The following EGFR variants were observed in gnomAD, a reference collection of about 807,000 sequenced individuals.
EGFR encodes the protein epidermal growth factor receptor.
Under a neutral mutation model 143.0 loss-of-function variants are expected in EGFR, and 58 were observed. The observed-to-expected ratio is 0.41, with a 90% CI of 0.33 to 0.50. The LOEUF (loss-of-function observed/expected upper bound fraction) is 0.50, where lower values mean the gene tolerates loss of function less well. EGFR is among the 20% of genes least tolerant of loss of function. The pLI is 0.39. For missense variants in EGFR, 1,307 were observed against 1,579.0 expected (o/e 0.83, Z 2.92); for synonymous variants, 613 against 594.4 (o/e 1.03, Z -0.45).
At chr7:55,184,713 C>T (rs551811986) in intron 20 of EGFR, among the ~76,000 whole-genome samples, 4 of 152,284 alleles carry the variant, frequency 2.6e-5, no homozygotes, top group African/African-American at 9.6e-5. Flanking sequence ...ACATTACGGG[C>T]AGTTAACGCT....
intron 15 of EGFR, chr7:55,168,702 G>A (rs1345510736): frequency 2.1e-6 from 2 of 975,588 alleles, no homozygotes; most frequent in African/African-American, 3.3e-5. Context: ...AGCCTTTTTA[G>A]ATGAGTATAT....
chr7:55,096,623 G>A (rs1004407963), intron 1 of EGFR, among the ~76,000 whole-genome samples: 1 of 152,166 alleles, frequency 6.6e-6, no homozygotes, highest in Admixed American at 6.5e-5. Flanking sequence ...TAAAGTGACT[G>A]ACCAGGAGTT....
intron 1 of EGFR, among the ~76,000 whole-genome samples, chr7:55,073,008 C>T (rs1225374707): frequency 6.6e-6 from 1 of 152,210 alleles, no homozygotes; most frequent in Admixed American, 6.5e-5. Flanking sequence ...AAGGAATTCT[C>T]AGGCTTTGCT....
At chr7:55,101,240 A>C (rs560074403) in intron 1 of EGFR, among the ~76,000 whole-genome samples, 2 of 152,274 alleles carry the variant, frequency 1.3e-5, no homozygotes, top group Admixed American at 1.3e-4. Context: ...TTTGGGACCT[A>C]AGTCCTCGTC....
intron 1 of EGFR, among the ~76,000 whole-genome samples, chr7:55,111,385 A>C (rs1448971506): frequency 6.7e-6 from 1 of 149,872 alleles, no homozygotes; most frequent in African/African-American, 2.5e-5. Context: ...TTTTTTTTCT[A>C]AACCTCACAC....
At chr7:55,049,846 C>T (rs1418424039) in intron 1 of EGFR, among the ~76,000 whole-genome samples, 2 of 152,210 alleles carry the variant, frequency 1.3e-5, no homozygotes, top group African/African-American at 4.8e-5. Context: ...CTGATCTAGA[C>T]TCTAGCCTGA....
At chr7:55,052,828 A>G (rs902243286) in intron 1 of EGFR, among the ~76,000 whole-genome samples, 1 of 152,184 alleles carries the variant, frequency 6.6e-6, no homozygotes, top group African/African-American at 2.4e-5. Flanking sequence ...GTGACTGAGA[A>G]AGGTGAAGGA....
In EGFR at chr7:55,173,120, G is replaced by T. The variant is rs1305428034; in HGVS notation, c.2057G>T (p.Arg686Met). The T allele has an allele frequency of 6.2e-7, 1 of 1,610,102 alleles. No individual in the cohort carries two copies. Among genetic ancestry groups the T allele is most frequent in the Non-Finnish European group, 8.5e-7 (1 of 1,179,948 alleles). The change falls in exon 17 of 28, where the codon AGG becomes ATG. Residue 686 changes from arginine (R) to methionine (M), a missense_variant. Arg to Met is a moderately conservative substitution (Grantham distance 91, BLOSUM62 -1). Coordinates refer to ENST00000275493, the MANE Select transcript of EGFR (RefSeq NM_005228.5). ...ACGCTGCGGAGGCTGCTGCAGGAGA[G>T]GGAGGTGAGTGCCAGTCCTGGGTGG... ...KRTLRRLLQE[R>M]ELVEPLTPSG...
chr7:55,169,567 CA>C (rs796549612), intron 15 of EGFR, among the ~76,000 whole-genome samples: 11 of 147,312 alleles, frequency 7.5e-5, no homozygotes, highest in East Asian at 5.9e-4. Flanking sequence ...AATTCCTTAC[CA>C]AAAAAAAAAG....
intron 1 of EGFR, among the ~76,000 whole-genome samples, chr7:55,077,797 G>T (rs1790217729): frequency 6.6e-6 from 1 of 152,148 alleles, no homozygotes; most frequent in Non-Finnish European, 1.5e-5. Context: ...TCTTAAAAAA[G>T]AAACCTGGGA....
chr7:55,100,062 G>T (rs1024127570), intron 1 of EGFR, among the ~76,000 whole-genome samples: 1 of 152,196 alleles, frequency 6.6e-6, no homozygotes, highest in African/African-American at 2.4e-5. Context: ...AGATGTCAGT[G>T]GTGGCCACTC....
At chr7:55,150,945 C>T (rs41298767) in intron 4 of EGFR, among the ~76,000 whole-genome samples, 11 of 152,308 alleles carry the variant, frequency 7.2e-5, no homozygotes, top group East Asian at 1.9e-4. Context: ...CTCAGCCAGA[C>T]GAGACACTCT....
chr7:55,076,764 C>A (rs1199100964), intron 1 of EGFR, among the ~76,000 whole-genome samples: 1 of 152,186 alleles, frequency 6.6e-6, no homozygotes. Flanking sequence ...CTGAAGAGTT[C>A]TTCGTATGTC....
At chr7:55,052,988 C>T (rs1199137410) in intron 1 of EGFR, among the ~76,000 whole-genome samples, 5 of 152,102 alleles carry the variant, frequency 3.3e-5, no homozygotes, top group African/African-American at 9.7e-5. Context: ...AAAATAAGAC[C>T]TTGATTCCCA....
At chr7:55,124,341 A>G (rs765889455) in intron 1 of EGFR, among the ~76,000 whole-genome samples, 1 of 152,258 alleles carries the variant, frequency 6.6e-6, no homozygotes, top group Non-Finnish European at 1.5e-5. Context: ...TGACTAAATT[A>G]TTCAAAATAA....
At chr7:55,064,947 T>C (rs1789411848) in intron 1 of EGFR, among the ~76,000 whole-genome samples, 2 of 152,076 alleles carry the variant, frequency 1.3e-5, no homozygotes, top group South Asian at 4.1e-4. Context: ...GTGACAACAC[T>C]GCGTCCTCCT....
intron 1 of EGFR, among the ~76,000 whole-genome samples, chr7:55,075,734 C>T (rs574467208): frequency 8.5e-5 from 13 of 152,296 alleles, no homozygotes; most frequent in African/African-American, 1.7e-4. Flanking sequence ...TTCTCTGGCA[C>T]GCTCAGAGCT....
In EGFR at chr7:55,119,793, A is replaced by G. The variant is rs79677037; in HGVS notation, c.89-22493A>G. ...TATCAGTGTCTTGAAAGGTCCTTCT[A>G]TTGGAGGACACATTCTGTTGCAGCA... On this transcript the variant is annotated intron_variant, in intron 1 of 27. Coordinates refer to ENST00000275493, the MANE Select transcript of EGFR (RefSeq NM_005228.5). Among the ~76,000 whole-genome samples the G allele has an allele frequency of 8.0e-3, 1,216 of 152,176 alleles. 20 individuals carry two copies. Among genetic ancestry groups the G allele is most frequent in the African/African-American group, 0.028 (1,145 of 41,494 alleles).
In EGFR at chr7:55,181,450, T is replaced by G; in HGVS notation, c.2441T>G (p.Leu814Arg). ...AAAGACAATATTGGCTCCCAGTACC[T>G]GCTCAACTGGTGTGTGCAGATCGCA... ...EHKDNIGSQY[L>R]LNWCVQIAKG... Residue 814 changes from leucine to arginine, a missense_variant, in exon 20 of 28, where the codon CTG becomes CGG. Leu to Arg is a moderately radical substitution (Grantham distance 102). Transcript: ENST00000275493. The G allele has an allele frequency of 6.2e-7, 1 of 1,614,214 alleles. No individual in the cohort carries two copies.
Sources: allele counts gnomAD v4.1 joint callset (sites outside exome capture counted in the v4.1 genomes callset), GRCh38; gene constraint gnomAD v4.1.1; transcripts MANE v1.5; gene names NCBI Gene and HGNC (gene_info 2026-07-23, HGNC 2026-07-21).